The following PCDH15 variants were observed in gnomAD, a reference collection of about 807,000 sequenced individuals.
The protein encoded by PCDH15 is protocadherin-15.
In PCDH15, 129 loss-of-function variants were observed where a neutral mutation model predicts 178.5. The observed-to-expected ratio is 0.72, with a 90% confidence interval of 0.63 to 0.84. The LOEUF is 0.84. Among genes scored for constraint, PCDH15 ranks in the 40% least tolerant of loss-of-function variants. The pLI is 0.00. For missense variants in PCDH15, 2,230 were observed against 2,099.9 expected, an observed-to-expected ratio of 1.06 and a Z score of -1.21; for synonymous variants, 800 against 732.0, an observed-to-expected ratio of 1.09 and a Z score of -1.50.
chr10:55,147,034 G>A (rs1157124414), intron 2 of PCDH15, among the ~76,000 whole-genome samples: 1 of 150,896 alleles, frequency 6.6e-6, no homozygotes. Flanking sequence ...TTTAAAACAA[G>A]AACAATTACC....
intron 2 of PCDH15, among the ~76,000 whole-genome samples, chr10:55,411,827 C>T (rs1260671465): frequency 6.6e-6 from 1 of 151,958 alleles, no homozygotes; most frequent in African/African-American, 2.4e-5. Context: ...GTCTCCTTCA[C>T]AGATAATCCT....
intron 2 of PCDH15, among the ~76,000 whole-genome samples, chr10:54,988,987 G>A (rs969688135): frequency 6.6e-6 from 1 of 152,156 alleles, no homozygotes; most frequent in African/African-American, 2.4e-5. Flanking sequence ...TCCCCATGCT[G>A]TGTGCAGCCT....
At chr10:53,844,334 T>C (rs957895559) in intron 28 of PCDH15, among the ~76,000 whole-genome samples, 1 of 152,084 alleles carries the variant, frequency 6.6e-6, no homozygotes, top group Middle Eastern at 3.4e-3. Context: ...CTTAAGTACA[T>C]GAAGGTTCAT....
rs146307972 is a variant in PCDH15, at chr10:54,531,575, T to C, written c.92-3698A>G. ...GGATTTTCCGAATATGCTCATTTCG[T>C]AGAAATGAGAGCAAGCACCCAGGAA... On this transcript the variant is annotated intron_variant, in intron 2 of 37. Coordinates refer to ENST00000644397, the MANE Select transcript of PCDH15 (RefSeq NM_001384140.1). Among the ~76,000 whole-genome samples, 247 of 152,234 alleles carry C rather than the reference T, an allele frequency of 1.6e-3. 1 individual carries two copies. The Middle Eastern group carries it at 0.02, about 13-fold the overall frequency.
rs1323277230 is a variant in PCDH15 at position 55,198,615 on chromosome 10, T to C, written c.-155-31964A>G. ...CATTCCCCTGCCTCAGCCTCCCGAA[T>C]AGCTGGGACTACAAGGCACCCGCCA... On this transcript the variant is annotated intron_variant, in intron 1 of 5. Transcript: ENST00000458638. Among the ~76,000 whole-genome samples, 4 of 151,886 alleles carry C rather than the reference T, an allele frequency of 2.6e-5. No homozygotes were observed. In the East Asian group the frequency reaches 5.8e-4, roughly 22 times the overall value.
chr10:55,083,155 A>T (rs1444772102), intron 2 of PCDH15, among the ~76,000 whole-genome samples: 1 of 151,946 alleles, frequency 6.6e-6, no homozygotes, highest in Non-Finnish European at 1.5e-5. Context: ...TTTGCAAAAA[A>T]AAACACTAGC....
At chr10:55,165,027 T>C (rs536378366) in intron 2 of PCDH15, among the ~76,000 whole-genome samples, 2 of 152,224 alleles carry the variant, frequency 1.3e-5, no homozygotes, top group Non-Finnish European at 2.9e-5. Flanking sequence ...TATGAACCTA[T>C]ATGGTATTAA....
intron 6 of PCDH15, among the ~76,000 whole-genome samples, chr10:54,336,402 C>T (rs1385189690): frequency 1.3e-5 from 2 of 152,088 alleles, no homozygotes; most frequent in African/African-American, 4.8e-5. Context: ...AGGCCAGGAG[C>T]CCTAGGAGAA....
chr10:55,338,880 G>A (rs748912681), intron 2 of PCDH15, among the ~76,000 whole-genome samples: 4 of 152,068 alleles, frequency 2.6e-5, no homozygotes, highest in Non-Finnish European at 5.9e-5. Context: ...GCCAGGCACC[G>A]TAAAACAAAT....
In PCDH15 at chr10:54,216,006, G is replaced by A. The variant is rs186741067; in HGVS notation, c.986-1958C>T. Among the ~76,000 whole-genome samples the A allele has an allele frequency of 4.5e-3, 509 of 112,424 alleles. 15 individuals carry two copies. The Admixed American group carries it at 0.063, about 14-fold the overall frequency. The allele number at this position is 112,424 out of a possible 152,430, so 73.8% of individuals were successfully genotyped here. On this transcript the variant is annotated intron_variant, in intron 9 of 37. Transcript: ENST00000644397. ...TGCAGTGAGCTGAGATCGTACCACTGCACTACAGCCTGGGCTACAGAGTGA... is the reference window on the plus strand; with the variant it reads ...TGCAGTGAGCTGAGATCGTACCACTACACTACAGCCTGGGCTACAGAGTGA...
rs1490979813 is a variant in PCDH15 at position 54,485,554 on chromosome 10, C to T, written c.157+42258G>A. Among the ~76,000 whole-genome samples, 5 of 152,086 alleles carry T rather than the reference C, an allele frequency of 3.3e-5. No individual in the cohort carries two copies. The Admixed American group carries it at 3.3e-4, about 10-fold the overall frequency. Reference sequence around the variant, plus strand: ...ATCTCTGCTCCCTGAAAGCCAAAAACAACAGGCTACTATTTTTGTTTTTCA... The same window carrying T: ...ATCTCTGCTCCCTGAAAGCCAAAAATAACAGGCTACTATTTTTGTTTTTCA... On this transcript the variant is annotated intron_variant, in intron 3 of 37. Coordinates refer to ENST00000644397, the MANE Select transcript of PCDH15 (RefSeq NM_001384140.1).
rs567088273 is a variant in PCDH15, at chr10:53,991,202, C to T, written c.2868+4447G>A. ...CCAAGGGCTGAGGAGAGCGGGCGCG[C>T]GGTGCGGGACTGGCAGGCAGCTCTG... On this transcript the variant is annotated intron_variant, in intron 21 of 37. Transcript: ENST00000644397. Among the ~76,000 whole-genome samples the T allele has an allele frequency of 2.2e-3, 342 of 152,268 alleles. 2 individuals carry two copies. The highest frequency in any genetic ancestry group is 6.8e-3 in the Middle Eastern group (2 of 294).
At chr10:55,098,931 A>AGAGAGAGAGAGAGAGAGAGAGAGAGC (rs1564796896) in intron 2 of PCDH15, among the ~76,000 whole-genome samples, 2 of 130,912 alleles carry the variant, frequency 1.5e-5, no homozygotes, top group Non-Finnish European at 3.4e-5. Flanking sequence ...AGAGAGAGAG[A>AGAGAGAGAGAGAGAGAGAGAGAGAGC]GAGCTCTTAT....
intron 2 of PCDH15, among the ~76,000 whole-genome samples, chr10:54,602,725 A>G (rs1349496427): frequency 6.6e-6 from 1 of 152,008 alleles, no homozygotes; most frequent in Non-Finnish European, 1.5e-5. Flanking sequence ...TGAGATGATC[A>G]TATGGTTTTT....
intron 2 of PCDH15, among the ~76,000 whole-genome samples, chr10:54,976,968 GAA>G (rs1415458655): frequency 6.6e-6 from 1 of 152,112 alleles, no homozygotes; most frequent in African/African-American, 2.4e-5. Context: ...GGTGGAGTTA[GAA>G]TATTAGATTT....
At chr10:53,846,685 T>G (rs568589059) in intron 28 of PCDH15, among the ~76,000 whole-genome samples, 1 of 152,158 alleles carries the variant, frequency 6.6e-6, no homozygotes, top group East Asian at 1.9e-4. Context: ...CAGTTACCTG[T>G]ATATACATCT....
intron 1 of PCDH15, among the ~76,000 whole-genome samples, chr10:54,720,331 T>C (rs1174873317): frequency 6.6e-6 from 1 of 151,992 alleles, no homozygotes; most frequent in Non-Finnish European, 1.5e-5. Flanking sequence ...GTAGATAAAT[T>C]GGAAAAGCCT....
chr10:54,982,129 A>C (rs1217177785), intron 2 of PCDH15, among the ~76,000 whole-genome samples: 3 of 152,108 alleles, frequency 2.0e-5, no homozygotes, highest in African/African-American at 7.2e-5. Context: ...TTCAAAAAAC[A>C]AAGCTGTTAT....
intron 21 of PCDH15, among the ~76,000 whole-genome samples, chr10:53,975,031 G>A (rs2134503530): frequency 6.6e-6 from 1 of 152,266 alleles, no homozygotes; most frequent in East Asian, 1.9e-4. Flanking sequence ...AAAACATGCA[G>A]TATTTGGTTT....
Sources: allele counts gnomAD v4.1 joint callset (sites outside exome capture counted in the v4.1 genomes callset), GRCh38; gene constraint gnomAD v4.1.1; transcripts MANE v1.5; gene names NCBI Gene and HGNC (gene_info 2026-07-23, HGNC 2026-07-21).